The following GYS2 variants were observed in gnomAD, a reference collection of about 807,000 sequenced individuals.
GYS2 encodes glycogen [starch] synthase, liver.
Under a neutral mutation model 85.6 loss-of-function variants are expected in GYS2, and 80 were observed. The ratio of observed to expected loss-of-function variants is 0.93; its 90% CI spans 0.78 to 1.13. GYS2 has a LOEUF of 1.13. GYS2 is among the 50% of genes most tolerant of loss of function. The pLI, the probability that GYS2 is intolerant of heterozygous loss-of-function variation, is 0.00. For missense variants in GYS2, 881 were observed against 854.9 expected, an observed-to-expected ratio of 1.03 and a Z score of -0.38; for synonymous variants, 328 against 300.7, an observed-to-expected ratio of 1.09 and a Z score of -0.94.
chr12:21,560,236 A>G (rs1457801963), intron 8 of GYS2, 150 bp downstream of exon 8: 2 of 649,340 alleles, frequency 3.1e-6, no homozygotes, highest in Non-Finnish European at 5.6e-6. Flanking sequence ...AACCTAAAAT[A>G]GTAGCACGAT....
intron 15 of GYS2, among the ~76,000 whole-genome samples, chr12:21,538,539 A>C (rs112906203): frequency 2.0e-5 from 3 of 152,166 alleles, no homozygotes; most frequent in Non-Finnish European, 2.9e-5. Flanking sequence ...CCTGTGGGGC[A>C]TGCAGCTACT....
chr12:21,590,732 A>C (rs1292672432), intron 1 of GYS2, among the ~76,000 whole-genome samples: 1 of 152,206 alleles, frequency 6.6e-6, no homozygotes, highest in Non-Finnish European at 1.5e-5. Flanking sequence ...ATGGGGCCCA[A>C]GGACAGGAAT....
chr12:21,539,440 T>A, intron 14 of GYS2, 102 bp from the exon 15 acceptor site: 1 of 761,040 alleles, frequency 1.3e-6, no homozygotes, highest in South Asian at 1.4e-5. Context: ...GAAACATATG[T>A]ATTTTTTAAA....
chr12:21,555,506 T>C (rs1022131500), intron 11 of GYS2, among the ~76,000 whole-genome samples: 6 of 152,214 alleles, frequency 3.9e-5, no homozygotes, highest in Non-Finnish European at 7.3e-5. Context: ...TAATACTTAC[T>C]GGTTTTTAAA....
intron 1 of GYS2, among the ~76,000 whole-genome samples, chr12:21,601,140 G>C (rs1269303916): frequency 1.3e-5 from 2 of 152,052 alleles, no homozygotes; most frequent in Non-Finnish European, 2.9e-5. Context: ...GAGCAAGTGT[G>C]TGCAGAAGAA....
chr12:21,557,522 TAGAA>T (rs370312337), intron 11 of GYS2, among the ~76,000 whole-genome samples: 3 of 152,256 alleles, frequency 2.0e-5, no homozygotes, highest in African/African-American at 7.2e-5. Context: ...TGAACTTTAT[TAGAA>T]AGAAACAAAC....
In GYS2 at chr12:21,557,956, A is replaced by AT. The variant is rs758060208; in HGVS notation, c.1422+243dup. Reference sequence around the variant, plus strand: ...TAATTTCCTTATGCTTATTAGCAGTATTGTACAGTGGAAATAAATGCTAGA... The same window carrying AT: ...TAATTTCCTTATGCTTATTAGCAGTATTTGTACAGTGGAAATAAATGCTAGA... On this transcript the variant is annotated intron_variant, in intron 11 of 15. Transcript: ENST00000261195. Among the ~76,000 whole-genome samples, 7 of 152,350 alleles carry AT rather than the reference A, an allele frequency of 4.6e-5. No homozygotes were observed. In the East Asian group the frequency reaches 1.2e-3, roughly 25 times the overall value.
intron 2 of GYS2, among the ~76,000 whole-genome samples, chr12:21,579,412 G>A (rs2136911860): frequency 1.4e-5 from 2 of 143,934 alleles, no homozygotes; most frequent in East Asian, 2.1e-4. Flanking sequence ...GGCGAGCAAT[G>A]GCACGATCTC....
chr12:21,557,663 G>T (rs1944196798), intron 11 of GYS2, among the ~76,000 whole-genome samples: 1 of 152,182 alleles, frequency 6.6e-6, no homozygotes, highest in Non-Finnish European at 1.5e-5. Context: ...ACTTTGGGAG[G>T]CCGAGGCAGG....
At chr12:21,557,085 C>A (rs1456194354) in intron 11 of GYS2, among the ~76,000 whole-genome samples, 1 of 152,014 alleles carries the variant, frequency 6.6e-6, no homozygotes, top group Non-Finnish European at 1.5e-5. Context: ...CATTTGGGGC[C>A]AGCATGGGGG....
downstream of GYS2, among the ~76,000 whole-genome samples, chr12:21,533,649 C>T (rs527316777): frequency 1.6e-4 from 24 of 152,280 alleles, 1 homozygote; most frequent in African/African-American, 5.8e-4. Context: ...CCTGAGTCTT[C>T]CTTGTACCCT....
At chr12:21,565,630 A>G (rs189337786) in intron 5 of GYS2, among the ~76,000 whole-genome samples, 2 of 150,844 alleles carry the variant, frequency 1.3e-5, no homozygotes, top group Admixed American at 6.6e-5. Context: ...TAGTTTATAT[A>G]AATACATGTA....
At chr12:21,555,589 G>C (rs1247336048) in intron 11 of GYS2, among the ~76,000 whole-genome samples, 1 of 152,094 alleles carries the variant, frequency 6.6e-6, no homozygotes, top group Admixed American at 6.5e-5. Flanking sequence ...TCCTCCCTTA[G>C]GAAACTGATC....
In GYS2 at chr12:21,575,889, A is replaced by G. The variant is rs1944439431; in HGVS notation, c.472T>C (p.Leu158=). ...ACCTCTTTTAAGAACCAGGCAGTTA[A>G]AGATCCAAATATCAGCATATCATTG... ...EANDMLIFGS[L]TAWFLKEVTD... is the part of the protein sequence containing the mutation. The change falls in exon 3 of 16, where the codon TTA becomes CTA. Residue 158 remains leucine (L), a synonymous_variant. Coordinates refer to ENST00000261195, the MANE Select transcript of GYS2 (RefSeq NM_021957.4). 6.2e-7 allele frequency: 1 copy of G among 1,613,708 alleles called. No homozygotes were observed. The highest frequency in any genetic ancestry group is 8.5e-7 in the Non-Finnish European group (1 of 1,179,664).
intron 11 of GYS2, 73 bp from the exon 12 acceptor site, chr12:21,546,543 G>A (rs947075182): frequency 1.1e-6 from 1 of 928,966 alleles, no homozygotes; most frequent in Non-Finnish European, 1.7e-6. Flanking sequence ...CTACAATTTG[G>A]TTATTTCAGT....
intron 1 of GYS2, among the ~76,000 whole-genome samples, chr12:21,595,886 T>C (rs1944690183): frequency 6.6e-6 from 1 of 152,110 alleles, no homozygotes; most frequent in African/African-American, 2.4e-5. Context: ...AGACAGTTCA[T>C]CAAGACAGAA....
At chr12:21,544,648 C>A (rs1170558000) in intron 12 of GYS2, among the ~76,000 whole-genome samples, 1 of 152,130 alleles carries the variant, frequency 6.6e-6, no homozygotes, top group African/African-American at 2.4e-5. Context: ...GCATTGCAAG[C>A]AATTTGAGAT....
intron 4 of GYS2, among the ~76,000 whole-genome samples, chr12:21,571,820 G>A (rs746662310): frequency 4.6e-5 from 7 of 152,098 alleles, no homozygotes; most frequent in Non-Finnish European, 8.8e-5. Flanking sequence ...AAATTAGCTG[G>A]CTGTGGTTGT....
At chr12:21,560,803 T>C (rs1229813781) in intron 7 of GYS2, among the ~76,000 whole-genome samples, 3 of 152,208 alleles carry the variant, frequency 2.0e-5, no homozygotes, top group Non-Finnish European at 4.4e-5. Context: ...CTAGAATAGA[T>C]AACAATTGCT....
Sources: allele counts gnomAD v4.1 joint callset (sites outside exome capture counted in the v4.1 genomes callset), GRCh38; gene constraint gnomAD v4.1.1; transcripts MANE v1.5; gene names NCBI Gene and HGNC (gene_info 2026-07-23, HGNC 2026-07-21).